Variants in CCDC192 observed in about 807,000 individuals in gnomAD.
CCDC192 encodes the protein coiled-coil domain containing 192.
intron 5 of CCDC192, among the ~76,000 whole-genome samples, chr5:127,834,979 A>G (rs1442683096): frequency 6.6e-6 from 1 of 152,170 alleles, no homozygotes; most frequent in Non-Finnish European, 1.5e-5. Flanking sequence ...TTAAAATGAA[A>G]TGGTTCCAAA....
intron 6 of CCDC192, among the ~76,000 whole-genome samples, chr5:127,881,839 T>C: frequency 6.6e-6 from 1 of 152,218 alleles, no homozygotes; most frequent in East Asian, 1.9e-4. Context: ...ACAGCTCTAT[T>C]TAGCAGAACT....
At chr5:127,869,028 A>C (rs1751732775) in intron 5 of CCDC192, among the ~76,000 whole-genome samples, 1 of 152,198 alleles carries the variant, frequency 6.6e-6, no homozygotes, top group South Asian at 2.1e-4. Flanking sequence ...GGCTTGCTAC[A>C]AAAATGAAAT....
At chr5:127,717,431 G>T (rs1346840251) in intron 2 of CCDC192, among the ~76,000 whole-genome samples, 1 of 151,392 alleles carries the variant, frequency 6.6e-6, no homozygotes, top group African/African-American at 2.4e-5. Flanking sequence ...GCAGAAAAAA[G>T]CTTCTGAAGA....
At chr5:127,909,085 G>T (rs1241093732) in intron 6 of CCDC192, among the ~76,000 whole-genome samples, 10 of 152,184 alleles carry the variant, frequency 6.6e-5, no homozygotes, top group Non-Finnish European at 1.3e-4. Flanking sequence ...TAAAGAAAAT[G>T]CTTACCTTTT....
chr5:127,929,014 C>G (rs1327946635), intron 6 of CCDC192, among the ~76,000 whole-genome samples: 5 of 152,048 alleles, frequency 3.3e-5, no homozygotes, highest in African/African-American at 1.2e-4. Context: ...ATCCACCCAC[C>G]TCAGCCTCCC....
At chr5:127,801,284 C>G (rs1262937921) in intron 5 of CCDC192, among the ~76,000 whole-genome samples, 1 of 152,050 alleles carries the variant, frequency 6.6e-6, no homozygotes, top group East Asian at 1.9e-4. Flanking sequence ...ATAAGAGTTG[C>G]CTGGCAAAAT....
At chr5:127,872,999 T>G (rs1751925478) in intron 5 of CCDC192, among the ~76,000 whole-genome samples, 1 of 152,194 alleles carries the variant, frequency 6.6e-6, no homozygotes, top group African/African-American at 2.4e-5. Context: ...AATTTGTACC[T>G]AGAAAGGTGA....
chr5:127,900,477 T>C (rs968395527), intron 6 of CCDC192, among the ~76,000 whole-genome samples: 7 of 152,220 alleles, frequency 4.6e-5, no homozygotes, highest in Non-Finnish European at 7.3e-5. Flanking sequence ...ACTGTGGTCT[T>C]GGGAAATACG....
chr5:127,851,488 C>G (rs960532467), intron 5 of CCDC192, among the ~76,000 whole-genome samples: 4 of 152,000 alleles, frequency 2.6e-5, no homozygotes, highest in Non-Finnish European at 5.9e-5. Flanking sequence ...GATGGAGTCT[C>G]GCTCTGTCAC....
intron 6 of CCDC192, among the ~76,000 whole-genome samples, chr5:127,904,965 C>T (rs1036685462): frequency 3.3e-5 from 5 of 152,124 alleles, no homozygotes; most frequent in Middle Eastern, 3.4e-3. Flanking sequence ...TCTGTGCAAC[C>T]GTTTGGCTTG....
At chr5:127,734,802 A>G (rs1240861133) in intron 2 of CCDC192, among the ~76,000 whole-genome samples, 6 of 151,056 alleles carry the variant, frequency 4.0e-5, no homozygotes, top group African/African-American at 7.4e-5. Context: ...AATTTGTTTG[A>G]GTTTGTTGTA....
intron 6 of CCDC192, among the ~76,000 whole-genome samples, chr5:127,887,047 G>T (rs1029129700): frequency 2.0e-5 from 3 of 152,112 alleles, no homozygotes; most frequent in Non-Finnish European, 2.9e-5. Context: ...TCTTAAAAAG[G>T]CTGGGTGTGG....
At chr5:127,913,678 C>T (rs920801228) in intron 6 of CCDC192, among the ~76,000 whole-genome samples, 1 of 152,234 alleles carries the variant, frequency 6.6e-6, no homozygotes, top group African/African-American at 2.4e-5. Flanking sequence ...TCCTGGACAT[C>T]TCTGGAGATC....
intron 6 of CCDC192, among the ~76,000 whole-genome samples, chr5:127,882,342 T>A (rs1580791199): frequency 6.6e-6 from 1 of 152,166 alleles, no homozygotes; most frequent in African/African-American, 2.4e-5. Context: ...CAATTCTCAT[T>A]AATATTTTAA....
intron 3 of CCDC192, among the ~76,000 whole-genome samples, chr5:127,762,546 T>C (rs1456861040): frequency 6.6e-6 from 1 of 152,186 alleles, no homozygotes; most frequent in African/African-American, 2.4e-5. Context: ...TCAAACACAA[T>C]GACAAATCGG....
chr5:127,927,368 G>A (rs1753890236), intron 6 of CCDC192, among the ~76,000 whole-genome samples: 1 of 151,952 alleles, frequency 6.6e-6, no homozygotes, highest in South Asian at 2.1e-4. Flanking sequence ...GTGTACAGGA[G>A]GAAAACATAG....
At chr5:127,724,652 C>T (rs956820215) in intron 2 of CCDC192, among the ~76,000 whole-genome samples, 1 of 152,032 alleles carries the variant, frequency 6.6e-6, no homozygotes, top group Non-Finnish European at 1.5e-5. Context: ...AGATCAAGAT[C>T]ATCCTGGCCA....
At position 127,720,336 on chromosome 5, in the gene CCDC192, C is replaced by T. The variant is rs1751947414; in HGVS notation, c.114+12576C>T. ...GCAGGGAAGTCATTAAATCTTAAAG[C>T]TCCAAAATGATTTCCTTTGCCTCCA... On this transcript the variant is annotated intron_variant, in intron 2 of 6. Transcript: ENST00000514853. Among the ~76,000 whole-genome samples, 3 of 152,196 alleles carry T rather than the reference C, an allele frequency of 2.0e-5. No homozygotes were observed. The South Asian group carries it at 6.2e-4, about 32-fold the overall frequency.
chr5:127,780,783 C>A (rs1756168453), intron 3 of CCDC192, among the ~76,000 whole-genome samples: 1 of 152,198 alleles, frequency 6.6e-6, no homozygotes, highest in African/African-American at 2.4e-5. Flanking sequence ...TGCCTGCTTA[C>A]TTTGCTGACT....
Sources: allele counts gnomAD v4.1 joint callset (sites outside exome capture counted in the v4.1 genomes callset), GRCh38; gene constraint gnomAD v4.1.1; transcripts MANE v1.5; gene names NCBI Gene and HGNC (gene_info 2026-07-23, HGNC 2026-07-21).